Variants in CYP4B1 observed in about 807,000 individuals in gnomAD.
CYP4B1 encodes cytochrome P450 4B1.
In CYP4B1, 45 loss-of-function variants were observed where a neutral mutation model predicts 54.0. The ratio of observed to expected loss-of-function variants is 0.83; its 90% CI spans 0.66 to 1.07. The LOEUF is 1.07. Ranked by LOEUF, CYP4B1 falls within the 50% of genes least tolerant of loss-of-function variation. CYP4B1 has a pLI of 0.00. For missense variants in CYP4B1, 656 were observed against 655.4 expected (o/e 1.00, Z -0.01); for synonymous variants, 248 against 247.5 (o/e 1.00, Z -0.02).
intron 1 of CYP4B1, among the ~76,000 whole-genome samples, chr1:46,805,679 A>C (rs745850346): frequency 6.6e-6 from 1 of 152,172 alleles, no homozygotes; most frequent in African/African-American, 2.4e-5. Context: ...CTGAATCCCC[A>C]ATGAGTTTTT....
intron 3 of CYP4B1, chr1:46,812,083 C>T (rs924348676): frequency 7.8e-5 from 35 of 449,582 alleles, no homozygotes; most frequent in Admixed American, 5.9e-4. Context: ...AGCACGAACA[C>T]GGTGGGACAT....
intron 1 of CYP4B1, among the ~76,000 whole-genome samples, chr1:46,806,024 A>G (rs767056858): frequency 6.6e-6 from 1 of 152,206 alleles, no homozygotes; most frequent in Non-Finnish European, 1.5e-5. Context: ...AGGGAGACCC[A>G]TGGGGAAGGC....
chr1:46,815,001 C>T, intron 7 of CYP4B1, 73 bp from the exon 8 acceptor site: 1 of 1,379,338 alleles, frequency 7.2e-7, no homozygotes. Context: ...CATTTGACAA[C>T]CACCATTATG....
intron 7 of CYP4B1, among the ~76,000 whole-genome samples, 189 bp downstream of exon 7, chr1:46,814,504 G>C (rs372926949): frequency 6.6e-6 from 1 of 152,182 alleles, no homozygotes; most frequent in Admixed American, 6.5e-5. Flanking sequence ...GTGTGCCTGA[G>C]CTGTGGAGTT....
chr1:46,814,819 T>C, intron 7 of CYP4B1: 1 of 464,696 alleles, frequency 2.2e-6, no homozygotes, highest in Non-Finnish European at 3.7e-6. Flanking sequence ...ATGTGCCCAG[T>C]GAGCAGAACA....
chr1:46,810,972 T>C, intron 2 of CYP4B1, 23 bp downstream of exon 2: 1 of 1,613,362 alleles, frequency 6.2e-7, no homozygotes, highest in Non-Finnish European at 8.5e-7. Flanking sequence ...GATGGGGATC[T>C]CAGGAGAGGG....
chr1:46,808,756 G>A (rs796300889), intron 1 of CYP4B1, among the ~76,000 whole-genome samples: 3 of 143,928 alleles, frequency 2.1e-5, no homozygotes, highest in Non-Finnish European at 4.6e-5. Context: ...TAAGAAAATG[G>A]GGCACATATA....
At chr1:46,808,313 C>T (rs1202015400) in intron 1 of CYP4B1, among the ~76,000 whole-genome samples, 38 of 151,982 alleles carry the variant, frequency 2.5e-4, no homozygotes, top group Admixed American at 2.5e-3. Flanking sequence ...CCTGTTGTTT[C>T]CTGACTTTTT....
intron 3 of CYP4B1, 87 bp downstream of exon 3, chr1:46,811,271 G>T: frequency 7.2e-7 from 1 of 1,393,908 alleles, no homozygotes; most frequent in Non-Finnish European, 1.0e-6. Flanking sequence ...CACTCAATTG[G>T]TTATCCCAGA....
rs1679457763 is a variant in CYP4B1 at position 46,819,120 on chromosome 1, A to G, written c.*306A>G. 1 of 263,048 alleles carries G rather than the reference A, an allele frequency of 3.8e-6. No individual in the cohort carries two copies. The highest frequency in any genetic ancestry group is 2.2e-5 in the African/African-American group (1 of 45,452). The allele number at this position is 263,048 out of a possible 1,614,324, so 16.3% of individuals were successfully genotyped here. A position where few individuals can be genotyped will look rare whatever the true frequency, so the allele number is the denominator to read the frequency against. On this transcript the variant is annotated 3_prime_UTR_variant, in exon 12 of 12. Coordinates refer to ENST00000371923, the MANE Select transcript of CYP4B1 (RefSeq NM_001099772.2). ...TTGGCAAACTTAAAAATGCAGCAGA[A>G]ACTTACATTCCAACCTTAGAGACTC...
intron 4 of CYP4B1, 72 bp from the exon 5 acceptor site, chr1:46,813,410 C>A: frequency 6.3e-7 from 1 of 1,598,902 alleles, no homozygotes; most frequent in Non-Finnish European, 8.6e-7. Context: ...TCCTGGAGGG[C>A]AGCTTGGGGC....
chr1:46,803,181 C>T (rs1425451547), intron 1 of CYP4B1, among the ~76,000 whole-genome samples: 8 of 152,138 alleles, frequency 5.3e-5, no homozygotes, highest in Admixed American at 5.2e-4. Flanking sequence ...CAAGCTCAGA[C>T]TTATGTTTTA....
rs767061024 is a variant in CYP4B1 at position 46,818,779 on chromosome 1, C to T, written c.1504C>T (p.His502Tyr). 3.7e-6 allele frequency: 6 copies of T among 1,614,096 alleles called. No individual in the cohort carries two copies. Among genetic ancestry groups the T allele is most frequent in the Admixed American group, 1.7e-5 (1 of 60,014 alleles). ...GCGCTCCAAGAATGGCTTTCACCTC[C>T]ACCTGAAGCCACTGGGCCCTGGGTC... Reference protein sequence around the residue: ...VLRSKNGFHLHLKPLGPGSGK With the variant: ...VLRSKNGFHLYLKPLGPGSGK The change falls in exon 12 of 12, where the codon CAC becomes TAC. Residue 502 changes from histidine to tyrosine, a missense_variant. Coordinates refer to ENST00000371923, the MANE Select transcript of CYP4B1 (RefSeq NM_001099772.2).
At chr1:46,812,345 T>G in intron 3 of CYP4B1, 151 bp from the exon 4 acceptor site, 1 of 849,112 alleles carries the variant, frequency 1.2e-6, no homozygotes. Context: ...CCTGGTAGCC[T>G]AGGGTGAGGG....
At chr1:46,813,435 A>G (rs1387774710) in intron 4 of CYP4B1, 47 bp from the exon 5 acceptor site, 3 of 1,613,034 alleles carry the variant, frequency 1.9e-6, no homozygotes, top group Non-Finnish European at 2.5e-6. Flanking sequence ...AGCCCAACTA[A>G]CCCCTGCATC....
chr1:46,817,427 G>C, intron 9 of CYP4B1: 1 of 552,052 alleles, frequency 1.8e-6, no homozygotes, highest in Non-Finnish European at 3.2e-6. Context: ...CAGGATTAAA[G>C]AGAATGTTCA....
At chr1:46,801,300 C>T (rs1678653263) in intron 1 of CYP4B1, among the ~76,000 whole-genome samples, 1 of 152,196 alleles carries the variant, frequency 6.6e-6, no homozygotes, top group Admixed American at 6.5e-5. Context: ...AGAGAACTTT[C>T]TCCCTTTCTT....
At chr1:46,806,521 T>G (rs1678868268) in intron 1 of CYP4B1, among the ~76,000 whole-genome samples, 1 of 152,240 alleles carries the variant, frequency 6.6e-6, no homozygotes, top group Non-Finnish European at 1.5e-5. Context: ...CATGCTGGAC[T>G]GTTCCCTTTG....
chr1:46,802,906 A>G (rs1678717308), intron 1 of CYP4B1, among the ~76,000 whole-genome samples: 1 of 152,224 alleles, frequency 6.6e-6, no homozygotes, highest in South Asian at 2.1e-4. Flanking sequence ...GTGCAGAAGA[A>G]AAGGCAGAAG....
Sources: allele counts gnomAD v4.1 joint callset (sites outside exome capture counted in the v4.1 genomes callset), GRCh38; gene constraint gnomAD v4.1.1; transcripts MANE v1.5; gene names NCBI Gene and HGNC (gene_info 2026-07-23, HGNC 2026-07-21).